Variants in IL10 observed in about 807,000 individuals in gnomAD.
IL10 encodes interleukin-10.
Under a neutral mutation model 21.0 loss-of-function variants are expected in IL10, and 7 were observed. The observed-to-expected ratio is 0.33, with a 90% CI of 0.19 to 0.63. IL10 has a LOEUF of 0.63. Ranked by LOEUF, IL10 falls within the 20% of genes least tolerant of loss-of-function variation. The pLI is 0.77. For synonymous variants in IL10, 83 were observed against 79.7 expected (o/e 1.04, Z -0.22); for missense variants, 161 against 213.0 (o/e 0.76, Z 1.52).
At chr1:206,769,624 C>A (rs1674762555) in intron 4 of IL10, 1 of 628,146 alleles carries the variant, frequency 1.6e-6, no homozygotes. Flanking sequence ...CATTTAGAAA[C>A]CCCCAAAGAC....
Position 206,771,062 on chromosome 1 carries a change from A to G in IL10, c.226-3T>C. 1 of 1,614,038 alleles carries G rather than the reference A, an allele frequency of 6.2e-7. No individual in the cohort carries two copies. The highest frequency in any genetic ancestry group is 1.1e-5 in the South Asian group (1 of 91,086). Reference sequence around the variant, plus strand: ...AAGGCTTGGCAACCCAGGTAACCCTAAGGGCAGGAGCCAAAGGTGAGTGAG... The same window carrying G: ...AAGGCTTGGCAACCCAGGTAACCCTGAGGGCAGGAGCCAAAGGTGAGTGAG... On this transcript the variant is annotated splice_polypyrimidine_tract_variant and splice_region_variant and intron_variant, in intron 2 of 4. Coordinates refer to ENST00000423557, the MANE Select transcript of IL10 (RefSeq NM_000572.3).
intron 4 of IL10, among the ~76,000 whole-genome samples, 166 bp from the exon 5 acceptor site, chr1:206,768,894 C>T (rs553618518): frequency 1.3e-5 from 2 of 152,288 alleles, no homozygotes; most frequent in Admixed American, 6.5e-5. Flanking sequence ...TTGGGAAAGG[C>T]TGTGCATTGA....
chr1:206,770,597 A>G (rs991368149), intron 3 of IL10: 5 of 414,848 alleles, frequency 1.2e-5, no homozygotes, highest in Non-Finnish European at 2.2e-5. Flanking sequence ...ACAAAGAGGC[A>G]GTGGAGGCCT....
At chr1:206,770,031 G>A in intron 3 of IL10, 137 bp from the exon 4 acceptor site, 2 of 723,582 alleles carry the variant, frequency 2.8e-6, no homozygotes, top group Non-Finnish European at 5.1e-6. Context: ...AGAGAGAACT[G>A]AGCCCTGCTT....
chr1:206,772,228 C>T (rs1484428426), intron 1 of IL10, 43 bp downstream of exon 1: 1 of 1,564,454 alleles, frequency 6.4e-7, no homozygotes, highest in African/African-American at 1.4e-5. Flanking sequence ...CTAGTTCAGG[C>T]AGTCCCAGGA....
intron 3 of IL10, among the ~76,000 whole-genome samples, chr1:206,770,153 AT>A (rs1199967220): frequency 3.9e-5 from 6 of 152,154 alleles, no homozygotes; most frequent in Admixed American, 2.6e-4. Context: ...ACTCTACAGT[AT>A]CTCCTGCAGT....
In IL10 at chr1:206,768,615, T is replaced by C. The variant is rs767564257; in HGVS notation, c.*21A>G. 3 of 1,406,200 alleles carry C rather than the reference T, an allele frequency of 2.1e-6. No individual in the cohort carries two copies. The highest frequency in any genetic ancestry group is 1.2e-5 in the South Asian group (1 of 86,718). 87.1% of individuals were successfully genotyped at this position (1,406,200 alleles called of 1,614,324 possible). A position where few individuals can be genotyped will look rare whatever the true frequency, so the allele number is the denominator to read the frequency against. ...CCTCTAATTTATGTCCTAGAGTCTA[T>C]AGAGTCGCCACCCTGATGTCTCAGT... On this transcript the variant is annotated 3_prime_UTR_variant, in exon 5 of 5. Coordinates refer to ENST00000423557, the MANE Select transcript of IL10 (RefSeq NM_000572.3).
intron 1 of IL10, among the ~76,000 whole-genome samples, chr1:206,771,900 C>T (rs1218445532): frequency 6.6e-6 from 1 of 152,250 alleles, no homozygotes; most frequent in African/African-American, 2.4e-5. Context: ...TGGAAACGCT[C>T]TAAGCAGAGG....
At chr1:206,772,163 T>A in intron 1 of IL10, 108 bp downstream of exon 1, 2 of 938,970 alleles carry the variant, frequency 2.1e-6, no homozygotes, top group East Asian at 2.5e-5. Flanking sequence ...GGAATAGGTG[T>A]TGGGGATGGA....
At chr1:206,771,080 T>G (rs1572539096) in intron 2 of IL10, 21 bp from the exon 3 acceptor site, 1 of 1,613,694 alleles carries the variant, frequency 6.2e-7, no homozygotes, top group Non-Finnish European at 8.5e-7. Context: ...GAGCCAAAGG[T>G]GAGTGAGAGA....
At chr1:206,771,436 G>T (rs1444300302) in intron 1 of IL10, 21 bp from the exon 2 acceptor site, 7 of 1,584,808 alleles carry the variant, frequency 4.4e-6, no homozygotes, top group South Asian at 1.1e-5. Flanking sequence ...AACAAAAGGA[G>T]AATGAACTTG....
intron 4 of IL10, 188 bp downstream of exon 4, chr1:206,769,641 C>T (rs1558602335): frequency 1.5e-6 from 1 of 659,072 alleles, no homozygotes; most frequent in East Asian, 2.7e-5. Flanking sequence ...AGACACTTAA[C>T]AGAAAACAAA....
rs759062951 is a variant in IL10 at position 206,768,611 on chromosome 1, T to G, written c.*25A>C. ...GAGACCTCTAATTTATGTCCTAGAG[T>G]CTATAGAGTCGCCACCCTGATGTCT... On this transcript the variant is annotated 3_prime_UTR_variant, in exon 5 of 5. Transcript: ENST00000423557. 1.5e-6 allele frequency: 2 copies of G among 1,340,234 alleles called. No homozygotes were observed. The highest frequency in any genetic ancestry group is 2.1e-6 in the Non-Finnish European group (2 of 930,932). 83.0% of individuals were successfully genotyped at this position (1,340,234 alleles called of 1,614,324 possible).
intron 3 of IL10, chr1:206,770,571 C>T (rs761723553): frequency 7.1e-5 from 26 of 366,422 alleles, no homozygotes; most frequent in Middle Eastern, 7.7e-4. Context: ...CTTAGCTCCC[C>T]GCCCAGGGTC....
chr1:206,771,939 G>A (rs1279454725), intron 1 of IL10, among the ~76,000 whole-genome samples: 1 of 152,172 alleles, frequency 6.6e-6, no homozygotes, highest in African/African-American at 2.4e-5. Context: ...TGCAAGGCAT[G>A]GGGAGCATCT....
intron 1 of IL10, among the ~76,000 whole-genome samples, chr1:206,772,003 C>T (rs1177967998): frequency 6.6e-6 from 1 of 152,188 alleles, no homozygotes; most frequent in African/African-American, 2.4e-5. Flanking sequence ...GTATAGAGCG[C>T]CAGCAGGATC....
chr1:206,768,625 A>G lies in IL10; in HGVS notation c.*11T>C. 1 of 1,520,276 alleles carries G rather than the reference A, an allele frequency of 6.6e-7. No homozygotes were observed. 94.2% of individuals were successfully genotyped at this position (1,520,276 alleles called of 1,614,324 possible). A position where few individuals can be genotyped will look rare whatever the true frequency, so the allele number is the denominator to read the frequency against. ...ATGTCCTAGAGTCTATAGAGTCGCC[A>G]CCCTGATGTCTCAGTTTCGTATCTT... On this transcript the variant is annotated 3_prime_UTR_variant, in exon 5 of 5. Transcript: ENST00000423557.
chr1:206,770,823 CT>C (rs2102438919), intron 3 of IL10, 83 bp downstream of exon 3: 1 of 1,295,714 alleles, frequency 7.7e-7, no homozygotes, highest in East Asian at 2.3e-5. Flanking sequence ...TTTGCTGTGT[CT>C]GTGGATGTGA....
chr1:206,771,022 T>C lies in IL10; in HGVS notation c.263A>G (p.Gln88Arg). ...LGCQALSEMI[Q>R]FYLEEVMPQA... ...GGGCATCACCTCCTCCAGGTAAAACTGGATCATCTCAGACAAGGCTTGGCA... is the reference window on the plus strand; with the variant it reads ...GGGCATCACCTCCTCCAGGTAAAACCGGATCATCTCAGACAAGGCTTGGCA... The change falls in exon 3 of 5, where the codon CAG becomes CGG. Residue 88 changes from glutamine (Q) to arginine (R), a missense_variant. Gln to Arg is a conservative substitution (Grantham distance 43, BLOSUM62 1). Coordinates refer to ENST00000423557, the MANE Select transcript of IL10 (RefSeq NM_000572.3). The C allele has an allele frequency of 1.9e-6, 3 of 1,614,132 alleles. No homozygotes were observed. Among genetic ancestry groups the C allele is most frequent in the Non-Finnish European group, 2.5e-6 (3 of 1,179,994 alleles).
Sources: allele counts gnomAD v4.1 joint callset (sites outside exome capture counted in the v4.1 genomes callset), GRCh38; gene constraint gnomAD v4.1.1; transcripts MANE v1.5; gene names NCBI Gene and HGNC (gene_info 2026-07-23, HGNC 2026-07-21).